Variants in ACOT12 observed in about 807,000 individuals in gnomAD.
ACOT12 encodes acetyl-coenzyme A thioesterase.
In ACOT12, 51 loss-of-function variants were observed where a neutral mutation model predicts 67.7. The ratio of observed to expected loss-of-function variants is 0.75; its 90% CI spans 0.60 to 0.95. ACOT12 has a LOEUF of 0.95. Ranked by LOEUF, ACOT12 falls within the 40% of genes least tolerant of loss-of-function variation. The pLI is 0.00. For missense variants in ACOT12, 734 were observed against 708.1 expected (o/e 1.04, Z -0.41); for synonymous variants, 251 against 244.6 (o/e 1.03, Z -0.24).
chr5:81,325,558 C>CGG (rs373282911), downstream of ACOT12, among the ~76,000 whole-genome samples: 3 of 152,072 alleles, frequency 2.0e-5, no homozygotes, highest in African/African-American at 7.2e-5. Flanking sequence ...GACAAGGAAA[C>CGG]GGGGGGGCAT....
rs904107281 is a variant in ACOT12 at position 81,343,817 on chromosome 5, C to T, written c.1044+1G>A. On this transcript the variant is annotated splice_donor_variant, in intron 10 of 14. Coordinates refer to ENST00000307624, the MANE Select transcript of ACOT12 (RefSeq NM_130767.3). LOFTEE classifies it high-confidence loss of function. ...AAGAGCTCCAAATCACAAAACATCA[C>T]CTGCTTGCTGATATCCCAGTGTATG... 1.9e-6 allele frequency: 3 copies of T among 1,611,482 alleles called. No individual in the cohort carries two copies. The African/African-American group carries it at 4.0e-5, about 22-fold the overall frequency.
intron 11 of ACOT12, among the ~76,000 whole-genome samples, chr5:81,339,482 C>T (rs1759120807): frequency 1.3e-5 from 2 of 152,204 alleles, no homozygotes; most frequent in Admixed American, 1.3e-4. Flanking sequence ...TGCTAATTTC[C>T]ACCAGGAGAA....
the ACOT12 span, among the ~76,000 whole-genome samples, chr5:81,316,712 A>G: frequency 6.6e-5 from 10 of 152,222 alleles, no homozygotes; most frequent in African/African-American, 2.4e-4. Context: ...ATCCTTGGCA[A>G]CACTTGATTT....
chr5:81,383,748 T>C (rs1162013641), intron 2 of ACOT12, among the ~76,000 whole-genome samples: 1 of 150,814 alleles, frequency 6.6e-6, no homozygotes, highest in Non-Finnish European at 1.5e-5. Context: ...AAAAAAAAAA[T>C]AACAAATTTT....
chr5:81,332,708 C>A, intron 12 of ACOT12, 103 bp from the exon 13 acceptor site: 1 of 1,381,632 alleles, frequency 7.2e-7, no homozygotes. Context: ...CCATATTTGC[C>A]CCTTCAGCTC....
At chr5:81,376,095 C>A (rs1760403791) in intron 2 of ACOT12, among the ~76,000 whole-genome samples, 1 of 152,044 alleles carries the variant, frequency 6.6e-6, no homozygotes, top group Non-Finnish European at 1.5e-5. Context: ...GGAGGTAAAA[C>A]ACTCCTCAGC....
At chr5:81,311,638 C>T in the ACOT12 span, among the ~76,000 whole-genome samples, 1 of 152,124 alleles carries the variant, frequency 6.6e-6, no homozygotes, top group Admixed American at 6.5e-5. Flanking sequence ...TTTCAATAGC[C>T]TTAATATTGA....
At chr5:81,315,660 A>C in the ACOT12 span, among the ~76,000 whole-genome samples, 1 of 152,176 alleles carries the variant, frequency 6.6e-6, no homozygotes, top group Non-Finnish European at 1.5e-5. Context: ...CCTCTGTGGA[A>C]ATTTTAAAGC....
At chr5:81,309,160 ATTATTT>A in the ACOT12 span, 1 of 713,344 alleles carries the variant, frequency 1.4e-6, no homozygotes, top group Non-Finnish European at 2.2e-6. Flanking sequence ...TGAGAATTAC[ATTATTT>A]TTATCAAGTG....
rs149459207 is a variant in ACOT12, at chr5:81,352,795, A to G, written c.497-4865T>C. On this transcript the variant is annotated intron_variant, in intron 5 of 14. Coordinates refer to ENST00000307624, the MANE Select transcript of ACOT12 (RefSeq NM_130767.3). ...AGGAGTGGATACCCCATTTTACATG[A>G]TGTGATTATTGCACATTTGTATGCT... Among the ~76,000 whole-genome samples, 47 of 152,272 alleles carry G rather than the reference A, an allele frequency of 3.1e-4. No homozygotes were observed. In the East Asian group the frequency reaches 4.8e-3, roughly 16 times the overall value.
rs374908235 is a variant in ACOT12 at position 81,380,628 on chromosome 5, A to G, written c.197+5129T>C. 5.9e-5 allele frequency among the ~76,000 whole-genome samples: 9 copies of G among 152,106 alleles called. No individual in the cohort carries two copies. The East Asian group carries it at 1.7e-3, about 29-fold the overall frequency. ...TATACTGGAAAAAATACAAACAAAC[A>G]TACATCTGCACAAGACTACAAATTG... On this transcript the variant is annotated intron_variant, in intron 2 of 14. Transcript: ENST00000307624.
chr5:81,334,455 G>A (rs544916540), intron 12 of ACOT12, among the ~76,000 whole-genome samples: 6 of 152,186 alleles, frequency 3.9e-5, no homozygotes, highest in Non-Finnish European at 7.3e-5. Context: ...TCCCTCTAGG[G>A]GTTTGAGCAG....
intron 10 of ACOT12, 96 bp from the exon 11 acceptor site, chr5:81,342,851 G>A (rs1759242666): frequency 8.0e-7 from 1 of 1,249,730 alleles, no homozygotes; most frequent in East Asian, 2.5e-5. Flanking sequence ...TGTTGGAGGA[G>A]GTATGTGTTG....
In ACOT12 at chr5:81,336,183, C is replaced by T. The variant is rs374338577; in HGVS notation, c.1129-282G>A. Reference sequence around the variant, plus strand: ...TTTTTTCTCATGAAAAATGTAAAAACCTAGGCCTTTCTCTCCTTGTCTCTT... The same window carrying T: ...TTTTTTCTCATGAAAAATGTAAAAATCTAGGCCTTTCTCTCCTTGTCTCTT... On this transcript the variant is annotated intron_variant, in intron 11 of 14. Transcript: ENST00000307624. 1.9e-4 allele frequency among the ~76,000 whole-genome samples: 29 copies of T among 151,496 alleles called. No individual in the cohort carries two copies. In the East Asian group the frequency reaches 4.1e-3, roughly 21 times the overall value.
At position 81,330,063 on chromosome 5, in the gene ACOT12, T is replaced by C. The variant is rs1561317600; in HGVS notation, c.*331A>G. The stretch of plus-strand genomic sequence containing the variant: ...TCACACAGAATGCATGTTTCACCTC[T>C]GTAACCTAAAAATGTTTACGATAAT... On this transcript the variant is annotated 3_prime_UTR_variant, in exon 15 of 15. Transcript: ENST00000307624. 5.8e-6 allele frequency: 1 copy of C among 171,956 alleles called. No individual in the cohort carries two copies. Among genetic ancestry groups the C allele is most frequent in the Non-Finnish European group, 1.2e-5 (1 of 81,164 alleles). The allele number at this position is 171,956 out of a possible 1,614,324, so 10.7% of individuals were successfully genotyped here.
intron 1 of ACOT12, among the ~76,000 whole-genome samples, chr5:81,389,101 C>T (rs1270813728): frequency 6.6e-6 from 1 of 152,116 alleles, no homozygotes; most frequent in Non-Finnish European, 1.5e-5. Flanking sequence ...GGACTAAGTG[C>T]TCTGAAGAAA....
the ACOT12 span, among the ~76,000 whole-genome samples, chr5:81,310,284 G>A: frequency 6.6e-6 from 1 of 151,908 alleles, no homozygotes; most frequent in African/African-American, 2.4e-5. Flanking sequence ...TACAATAAGG[G>A]GCTTTCTGCG....
intron 1 of ACOT12, among the ~76,000 whole-genome samples, chr5:81,390,491 C>T (rs1364253147): frequency 6.6e-6 from 1 of 150,958 alleles, no homozygotes; most frequent in Non-Finnish European, 1.5e-5. Context: ...CAATCTTTTT[C>T]TTCTTTTTCT....
At chr5:81,327,552 T>G (rs1428679057), downstream of ACOT12, among the ~76,000 whole-genome samples, 1 of 152,218 alleles carries the variant, frequency 6.6e-6, no homozygotes, top group East Asian at 1.9e-4. Flanking sequence ...GCAATTCTCC[T>G]GCCTCAGCCT....
Sources: allele counts gnomAD v4.1 joint callset (sites outside exome capture counted in the v4.1 genomes callset), GRCh38; gene constraint gnomAD v4.1.1; transcripts MANE v1.5; gene names NCBI Gene and HGNC (gene_info 2026-07-23, HGNC 2026-07-21).